Variants in GPHN observed in about 807,000 individuals in gnomAD.
GPHN encodes gephyrin.
In GPHN, 17 loss-of-function variants were observed where a neutral mutation model predicts 95.5. The observed-to-expected ratio is 0.18, with a 90% confidence interval of 0.12 to 0.27. The LOEUF is 0.27. Ranked by LOEUF, GPHN falls within the 10% of genes least tolerant of loss-of-function variation. The pLI is 1.00. For synonymous variants in GPHN, 320 were observed against 322.5 expected (o/e 0.99, Z 0.08); for missense variants, 660 against 978.1 (o/e 0.67, Z 4.34).
the GPHN span, chr14:67,695,710 C>G: frequency 1.9e-6 from 3 of 1,613,896 alleles, no homozygotes; most frequent in Non-Finnish European, 2.5e-6. Flanking sequence ...CCATCTCTGC[C>G]GGCTGCAGCG....
intron 8 of GPHN, 57 bp downstream of exon 8, chr14:66,924,349 C>A (rs1270003475): frequency 2.2e-6 from 2 of 916,590 alleles, no homozygotes; most frequent in African/African-American, 3.2e-5. Context: ...TACTTCCTCT[C>A]CTTGGAGATA....
intron 9 of GPHN, among the ~76,000 whole-genome samples, chr14:66,989,089 G>A (rs1208577502): frequency 6.6e-6 from 1 of 151,854 alleles, no homozygotes; most frequent in Non-Finnish European, 1.5e-5. Context: ...TTATTAATAA[G>A]TTGTTAATTC....
At chr14:67,238,474 TG>T in the GPHN span, among the ~76,000 whole-genome samples, 1 of 152,028 alleles carries the variant, frequency 6.6e-6, no homozygotes, top group Non-Finnish European at 1.5e-5. Flanking sequence ...CTCCCCATGT[TG>T]ACCAGGCTGG....
At chr14:66,925,396 C>T (rs72730416) in intron 8 of GPHN, among the ~76,000 whole-genome samples, 3,678 of 152,130 alleles carry the variant, frequency 0.024, 70 homozygotes, top group Non-Finnish European at 0.036. Context: ...TTGGGGTACC[C>T]ATTAACCATC....
At chr14:66,846,400 G>A (rs1054977722) in intron 4 of GPHN, among the ~76,000 whole-genome samples, 2 of 152,092 alleles carry the variant, frequency 1.3e-5, no homozygotes, top group Non-Finnish European at 2.9e-5. Flanking sequence ...GACATAAAAC[G>A]TGGCTCTTAA....
intron 1 of GPHN, among the ~76,000 whole-genome samples, chr14:66,543,351 A>G (rs1417796056): frequency 1.3e-5 from 2 of 152,140 alleles, no homozygotes; most frequent in Admixed American, 6.5e-5. Flanking sequence ...TGACTTAGCA[A>G]CATTTGATTT....
At chr14:67,586,178 C>T in the GPHN span, 1 of 1,483,616 alleles carries the variant, frequency 6.7e-7, no homozygotes, top group Non-Finnish European at 9.3e-7. Context: ...TGGGGTTATG[C>T]TAGTGCTCTG....
chr14:66,725,808 A>G (rs1295930419), intron 2 of GPHN, among the ~76,000 whole-genome samples: 1 of 152,182 alleles, frequency 6.6e-6, no homozygotes, highest in Non-Finnish European at 1.5e-5. Context: ...TTAACAAGAA[A>G]ATATTTCTGT....
chr14:67,168,534 C>G (rs1477782763), intron 20 of GPHN, among the ~76,000 whole-genome samples: 1 of 151,888 alleles, frequency 6.6e-6, no homozygotes. Context: ...GTTTGGGAAC[C>G]AAGCTTGTAA....
At chr14:66,542,851 C>T (rs560811852) in intron 1 of GPHN, among the ~76,000 whole-genome samples, 5 of 152,244 alleles carry the variant, frequency 3.3e-5, no homozygotes, top group Non-Finnish European at 7.4e-5. Flanking sequence ...TTTTGTTAGT[C>T]CATTCTCGCA....
At chr14:67,154,260 C>T (rs919787186) in intron 18 of GPHN, among the ~76,000 whole-genome samples, 1 of 152,162 alleles carries the variant, frequency 6.6e-6, no homozygotes, top group African/African-American at 2.4e-5. Context: ...TGCTTGAATC[C>T]TTCTTATCCT....
At chr14:67,397,007 C>T in the GPHN span, among the ~76,000 whole-genome samples, 19,683 of 149,070 alleles carry the variant, frequency 0.13, 869 homozygotes, top group East Asian at 0.35. Flanking sequence ...GGCGTGATCT[C>T]GGCTCACTGC....
At chr14:67,097,196 G>A (rs2077440917) in intron 12 of GPHN, among the ~76,000 whole-genome samples, 1 of 152,154 alleles carries the variant, frequency 6.6e-6, no homozygotes, top group African/African-American at 2.4e-5. Context: ...AAAAGAGGAT[G>A]CACGCAACTC....
the GPHN span, among the ~76,000 whole-genome samples, chr14:67,568,622 A>G: frequency 6.6e-6 from 1 of 152,202 alleles, no homozygotes; most frequent in Non-Finnish European, 1.5e-5. Flanking sequence ...ATTTTTTAAA[A>G]AAAGAAACAA....
the GPHN span, among the ~76,000 whole-genome samples, chr14:67,310,941 G>A: frequency 3.3e-5 from 5 of 152,088 alleles, no homozygotes; most frequent in South Asian, 2.1e-4. Context: ...CTTAAAGAGC[G>A]CTTAAAAAGT....
chr14:66,813,911 C>A (rs962088005), intron 3 of GPHN, among the ~76,000 whole-genome samples: 2 of 152,160 alleles, frequency 1.3e-5, no homozygotes, highest in African/African-American at 4.8e-5. Context: ...CACTGATGGA[C>A]CATGCCTGAC....
the GPHN span, chr14:67,533,160 C>G: frequency 6.6e-6 from 1 of 152,074 alleles, no homozygotes; most frequent in South Asian, 2.1e-4. Flanking sequence ...GGAGGGCGCC[C>G]GGCGGAGCGT....
the GPHN span, among the ~76,000 whole-genome samples, chr14:67,259,880 GAA>G: frequency 4.7e-3 from 531 of 111,942 alleles, no homozygotes; most frequent in African/African-American, 8.7e-3. Context: ...CTCCATCTAA[GAA>G]AAAAAAAAAA....
intron 17 of GPHN, among the ~76,000 whole-genome samples, chr14:67,139,222 CA>C (rs112425875): frequency 0.071 from 10,042 of 142,396 alleles, 363 homozygotes; most frequent in Middle Eastern, 0.089. Flanking sequence ...TACTCCATCT[CA>C]AAAAAAAAAA....
Sources: gnomAD v4.1 joint callset for allele counts (sites outside exome capture counted in the v4.1 genomes callset) on GRCh38, gnomAD v4.1.1 for gene constraint, MANE v1.5 for transcripts, NCBI Gene and HGNC (gene_info 2026-07-23, HGNC 2026-07-21) for gene names.